SCLT1: variants seen among roughly 807,000 people sequenced by gnomAD.
The protein encoded by SCLT1 is sodium channel and clathrin linker 1, also known as sodium channel-associated protein 1.
SCLT1 carries 78 observed loss-of-function variants against 112.8 expected under a neutral mutation model. The observed-to-expected ratio is 0.69, with a 90% CI of 0.58 to 0.83. The LOEUF is 0.83. Ranked by LOEUF, SCLT1 falls within the 40% of genes least tolerant of loss-of-function variation. The pLI is 0.00. For missense variants in SCLT1, 747 were observed against 770.4 expected (o/e 0.97, Z 0.36); for synonymous variants, 257 against 254.7 (o/e 1.01, Z -0.09).
chr4:129,079,238 A>G (rs565036320), intron 2 of SCLT1, among the ~76,000 whole-genome samples: 2 of 152,254 alleles, frequency 1.3e-5, no homozygotes, highest in African/African-American at 4.8e-5. Context: ...CAGTCCCCCA[A>G]GTCTTAACTC....
chr4:128,934,105 A>T (rs1216512920), intron 18 of SCLT1, among the ~76,000 whole-genome samples: 1 of 151,990 alleles, frequency 6.6e-6, no homozygotes, highest in Admixed American at 6.6e-5. Flanking sequence ...TTATATAAAC[A>T]TTTATATAGT....
At chr4:129,022,145 A>C (rs537440797) in intron 5 of SCLT1, among the ~76,000 whole-genome samples, 1 of 152,236 alleles carries the variant, frequency 6.6e-6, no homozygotes, top group Admixed American at 6.5e-5. Context: ...AAAGCTCATC[A>C]GCCTCAAAAA....
At chr4:128,993,987 T>A (rs1357389658) in intron 8 of SCLT1, among the ~76,000 whole-genome samples, 1 of 152,136 alleles carries the variant, frequency 6.6e-6, no homozygotes, top group African/African-American at 2.4e-5. Context: ...TATTACTAAT[T>A]TGCATTGGTA....
At chr4:129,020,089 T>C (rs1225236059) in intron 5 of SCLT1, among the ~76,000 whole-genome samples, 5 of 152,192 alleles carry the variant, frequency 3.3e-5, no homozygotes, top group African/African-American at 9.7e-5. Flanking sequence ...CTTACATATG[T>C]TGAGACACAG....
chr4:129,088,756 G>T, intron 1 of SCLT1, among the ~76,000 whole-genome samples: 1 of 152,144 alleles, frequency 6.6e-6, no homozygotes, highest in East Asian at 1.9e-4. Context: ...ATGGGGAAAA[G>T]ATTCCCTATT....
rs1473295444 is a variant in SCLT1 at position 128,952,799 on chromosome 4, T to C, written c.1188A>G (p.Arg396=). The change falls in exon 14 of 21, where the codon CGA becomes CGG. Residue 396 remains arginine (R), a synonymous_variant. Coordinates refer to ENST00000281142, the MANE Select transcript of SCLT1 (RefSeq NM_144643.4). ...TKKQCNIQIS[R]LTEELSALQM... is the part of the protein sequence containing the mutation. Reference sequence around the variant, plus strand: ...GAAGGGCTGAAAGTTCTTCTGTTAATCGAGAAATTTGTATATTACATTGTT... The same window carrying C: ...GAAGGGCTGAAAGTTCTTCTGTTAACCGAGAAATTTGTATATTACATTGTT... The C allele has an allele frequency of 1.3e-6, 2 of 1,568,654 alleles. No homozygotes were observed. The highest frequency in any genetic ancestry group is 2.2e-5 in the East Asian group (1 of 44,564).
rs574119600 is a variant in SCLT1, at chr4:128,999,740, G to A, written c.481C>T (p.Leu161=). The change falls in exon 7 of 21, where the codon CTA becomes TTA. Residue 161 remains leucine (L), a synonymous_variant. Transcript: ENST00000281142. ...WQTVSQELDR[L]HKLYQEHMTE... is the part of the protein sequence containing the mutation. ...ATATGTTCCTGGTAAAGCTTGTGTA[G>A]TCTGTCCAACTCCTGAGAAACAGTC... The A allele has an allele frequency of 3.1e-6, 5 of 1,606,320 alleles. No individual in the cohort carries two copies. In the East Asian group the frequency reaches 1.1e-4, roughly 36 times the overall value.
chr4:128,995,919 A>G (rs770828864), intron 8 of SCLT1, among the ~76,000 whole-genome samples: 3 of 152,018 alleles, frequency 2.0e-5, no homozygotes, highest in African/African-American at 7.2e-5. Context: ...CACAGGACCA[A>G]TGCCAACTAT....
In SCLT1 at chr4:129,000,344, T is replaced by C. The variant is rs73847354; in HGVS notation, c.427-550A>G. Among the ~76,000 whole-genome samples the C allele has an allele frequency of 3.8e-3, 572 of 152,130 alleles. 1 individual carries two copies. The highest frequency in any genetic ancestry group is 0.011 in the African/African-American group (474 of 41,562). ...TGATTCTGGGTGAGAATTTTGTAATTATTTTAACAAAATTAGGGACAATAT... is the reference window on the plus strand; with the variant it reads ...TGATTCTGGGTGAGAATTTTGTAATCATTTTAACAAAATTAGGGACAATAT... On this transcript the variant is annotated intron_variant, in intron 6 of 20. Coordinates refer to ENST00000281142, the MANE Select transcript of SCLT1 (RefSeq NM_144643.4).
intron 18 of SCLT1, among the ~76,000 whole-genome samples, chr4:128,903,175 T>A (rs1468196570): frequency 6.6e-6 from 1 of 152,222 alleles, no homozygotes; most frequent in African/African-American, 2.4e-5. Flanking sequence ...TTTCAAGTAT[T>A]ATGTACTATA....
chr4:128,915,986 C>A (rs1005595819), intron 18 of SCLT1, among the ~76,000 whole-genome samples: 1 of 152,200 alleles, frequency 6.6e-6, no homozygotes, highest in East Asian at 1.9e-4. Context: ...GTGTTTCTAG[C>A]ATTTAGCAGA....
intron 18 of SCLT1, among the ~76,000 whole-genome samples, chr4:128,929,075 A>T (rs1446946606): frequency 2.0e-5 from 3 of 152,228 alleles, no homozygotes; most frequent in African/African-American, 7.2e-5. Context: ...CAAAACATAC[A>T]GTTATTTGAA....
At chr4:128,875,224 A>C (rs943873501) in intron 4 of SCLT1, 1 of 152,622 alleles carries the variant, frequency 6.6e-6, no homozygotes, top group Admixed American at 6.5e-5. Flanking sequence ...TTTGCAATAC[A>C]TTTTAAGTGT....
chr4:129,040,197 A>C (rs1312903746), intron 4 of SCLT1: 13 of 702,552 alleles, frequency 1.9e-5, no homozygotes, highest in Non-Finnish European at 3.4e-5. Context: ...GAACTTTTCC[A>C]AGGTCCTCGT....
At chr4:129,039,003 C>T in intron 5 of SCLT1, 38 bp downstream of exon 5, 1 of 1,211,652 alleles carries the variant, frequency 8.3e-7, no homozygotes, top group Non-Finnish European at 1.2e-6. Context: ...TTACCTAAGA[C>T]AATAATAAAA....
At chr4:129,086,228 G>A (rs981009455) in intron 1 of SCLT1, among the ~76,000 whole-genome samples, 1 of 151,704 alleles carries the variant, frequency 6.6e-6, no homozygotes, top group Admixed American at 6.6e-5. Context: ...TAACTTAAAT[G>A]TTATTATTTC....
rs750481269 is a variant in SCLT1 at position 128,891,068 on chromosome 4, C to A, written c.1899G>T (p.Lys633Asn). 3 of 1,611,738 alleles carry A rather than the reference C, an allele frequency of 1.9e-6. No individual in the cohort carries two copies. Among genetic ancestry groups the A allele is most frequent in the Non-Finnish European group, 2.5e-6 (3 of 1,178,324 alleles). ...LLSQLEMANE[K>N]VAENEKLILE... ...GGAGTCATTATCTCACCTCAGCTAC[C>A]TTTTCATTTGCCATTTCCAGCTGAG... Residue 633 changes from lysine to asparagine, a missense_variant, in exon 19 of 21, where the codon AAG (lysine) becomes AAT (asparagine). Lys to Asn is a moderately conservative substitution (Grantham distance 94). Transcript: ENST00000281142.
At chr4:128,915,126 A>G (rs1735379551) in intron 18 of SCLT1, among the ~76,000 whole-genome samples, 1 of 152,246 alleles carries the variant, frequency 6.6e-6, no homozygotes, top group South Asian at 2.1e-4. Context: ...CAAGTGCCCA[A>G]CACTATACTA....
rs1398793723 is a variant in SCLT1 at position 128,946,967 on chromosome 4, G to A, written c.1294-815C>T. 5.3e-5 allele frequency among the ~76,000 whole-genome samples: 8 copies of A among 152,274 alleles called. No homozygotes were observed. The South Asian group carries it at 1.0e-3, about 20-fold the overall frequency. On this transcript the variant is annotated intron_variant, in intron 15 of 20. Transcript: ENST00000281142. ...GTCTCCAGGTGTAAGCAGTTCATAC[G>A]TTGAAGCAAATCCTGCACACAGCTA...
Sources: allele counts gnomAD v4.1 joint callset (sites outside exome capture counted in the v4.1 genomes callset), GRCh38; gene constraint gnomAD v4.1.1; transcripts MANE v1.5; gene names NCBI Gene and HGNC (gene_info 2026-07-23, HGNC 2026-07-21).